POLD3: variants seen among roughly 807,000 people sequenced by gnomAD.
The protein encoded by POLD3 is DNA polymerase delta subunit 3.
Under a neutral mutation model 58.2 loss-of-function variants are expected in POLD3, and 19 were observed. That is an observed-to-expected ratio of 0.33 (90% CI 0.23 to 0.48). The LOEUF (loss-of-function observed/expected upper bound fraction) is 0.48. Among genes scored for constraint, POLD3 ranks in the 20% least tolerant of loss-of-function variants. The pLI is 0.99. For synonymous variants in POLD3, 172 were observed against 193.5 expected (o/e 0.89, Z 0.92); for missense variants, 504 against 545.5 (o/e 0.92, Z 0.76).
chr11:74,619,478 T>G (rs1425051879), intron 6 of POLD3, among the ~76,000 whole-genome samples: 4 of 152,220 alleles, frequency 2.6e-5, no homozygotes, highest in Non-Finnish European at 5.9e-5. Context: ...ACACTAACGT[T>G]TATTGAATTT....
chr11:74,656,744 GTTTTTTTTT>G (rs60280704), intron 4 of POLD3, among the ~76,000 whole-genome samples: 1 of 147,350 alleles, frequency 6.8e-6, no homozygotes, highest in Non-Finnish European at 1.5e-5. Flanking sequence ...ATATTTCAGG[GTTTTTTTTT>G]TTTTTTTAAG....
intron 11 of POLD3, among the ~76,000 whole-genome samples, chr11:74,636,740 CAA>C (rs2032761143): frequency 6.6e-6 from 1 of 151,734 alleles, no homozygotes; most frequent in African/African-American, 2.4e-5. Flanking sequence ...AGACTGTAAT[CAA>C]GAGTCATCTT....
chr11:74,601,297 A>G (rs1398441768), intron 2 of POLD3, among the ~76,000 whole-genome samples: 3 of 152,218 alleles, frequency 2.0e-5, no homozygotes, highest in Non-Finnish European at 4.4e-5. Flanking sequence ...TCCTTCTAAC[A>G]CAATTGTTGT....
chr11:74,657,576 T>G (rs59829124), intron 4 of POLD3, among the ~76,000 whole-genome samples: 2,656 of 152,242 alleles, frequency 0.017, 78 homozygotes, highest in African/African-American at 0.062. Flanking sequence ...CTTGTTAACT[T>G]TTTGTTTTTA....
At position 74,651,049 on chromosome 11, in the gene POLD3, A is replaced by G. The variant is rs907267608; in HGVS notation, c.369+14774A>G. Among the ~76,000 whole-genome samples, 15 of 152,328 alleles carry G rather than the reference A, an allele frequency of 9.8e-5. 1 individual carries two copies. In the South Asian group the frequency reaches 1.0e-3, roughly 11 times the overall value. Reference sequence around the variant, plus strand: ...CTTGGTGGTTATGTGCTTTCTGTCTACAGAGCACCTCTTCATGGCACTTAT... The same window carrying G: ...CTTGGTGGTTATGTGCTTTCTGTCTGCAGAGCACCTCTTCATGGCACTTAT... On this transcript the variant is annotated intron_variant, in intron 4 of 4. Coordinates refer to the POLD3 transcript ENST00000524752.
Position 74,629,265 on chromosome 11 carries a change from C to A in POLD3, c.948C>A (p.Asn316Lys), listed in dbSNP as rs1435149485. The stretch of plus-strand genomic sequence containing the variant: ...ATGATGAGACAAAGGAAACTGAAAA[C>A]ATGAGGAAAAAGAGGAGAAGAATCA... The part of the protein sequence containing the change: ...LSDDETKETE[N>K]MRKKRRRIKL... The change falls in exon 9 of 12, where the codon AAC becomes AAA. Residue 316 changes from asparagine (N) to lysine (K), a missense_variant. Coordinates refer to ENST00000263681, the MANE Select transcript of POLD3 (RefSeq NM_006591.3). The A allele has an allele frequency of 1.2e-6, 2 of 1,608,130 alleles. No homozygotes were observed. The highest frequency in any genetic ancestry group is 8.5e-7 in the Non-Finnish European group (1 of 1,176,778).
chr11:74,595,805 A>C (rs1256642226), intron 2 of POLD3, among the ~76,000 whole-genome samples: 1 of 152,052 alleles, frequency 6.6e-6, no homozygotes, highest in Non-Finnish European at 1.5e-5. Flanking sequence ...TTTTGTAGAG[A>C]TGGAGTCCCG....
At chr11:74,614,608 G>A (rs527395798) in intron 5 of POLD3, among the ~76,000 whole-genome samples, 3 of 152,238 alleles carry the variant, frequency 2.0e-5, no homozygotes, top group Admixed American at 1.3e-4. Context: ...TGCTCAGGAG[G>A]CTGAAGCAGG....
chr11:74,628,903 T>C (rs545110966), intron 8 of POLD3: 59 of 201,986 alleles, frequency 2.9e-4, no homozygotes, highest in Non-Finnish European at 5.7e-4. Flanking sequence ...GCTTATTTAA[T>C]GCTTGTTGGA....
downstream of POLD3, among the ~76,000 whole-genome samples, chr11:74,643,647 G>A (rs1368904016): frequency 6.6e-6 from 1 of 152,180 alleles, no homozygotes; most frequent in East Asian, 1.9e-4. Context: ...GGAGAGGTGG[G>A]CTGTAGAACT....
chr11:74,611,423 A>G (rs2031906704), intron 3 of POLD3, 76 bp from the exon 4 acceptor site: 5 of 846,028 alleles, frequency 5.9e-6, no homozygotes, highest in South Asian at 1.4e-5. Context: ...TCCAAGCACA[A>G]TTGAATTATT....
chr11:74,622,351 A>G (rs1256593459), intron 7 of POLD3, among the ~76,000 whole-genome samples: 2 of 152,072 alleles, frequency 1.3e-5, no homozygotes, highest in South Asian at 4.1e-4. Flanking sequence ...GTAAGACCCC[A>G]TTTCTTAAAA....
At chr11:74,611,808 A>G (rs1213039940) in intron 4 of POLD3, among the ~76,000 whole-genome samples, 1 of 152,244 alleles carries the variant, frequency 6.6e-6, no homozygotes, top group Non-Finnish European at 1.5e-5. Context: ...ACTGTTATGA[A>G]TACCATATGA....
At chr11:74,667,364 T>A (rs1437846903) in intron 4 of POLD3, among the ~76,000 whole-genome samples, 1 of 151,818 alleles carries the variant, frequency 6.6e-6, no homozygotes, top group African/African-American at 2.4e-5. Flanking sequence ...TGAAACCCCG[T>A]CTCTACTAAA....
chr11:74,643,413 T>C (rs144023889), downstream of POLD3, among the ~76,000 whole-genome samples: 9 of 152,148 alleles, frequency 5.9e-5, no homozygotes, highest in Non-Finnish European at 1.3e-4. Flanking sequence ...ATAGAAACCA[T>C]AGAATTTGGC....
intron 8 of POLD3, 54 bp downstream of exon 8, chr11:74,625,627 T>G: frequency 1.4e-6 from 2 of 1,468,052 alleles, no homozygotes; most frequent in Non-Finnish European, 9.3e-7. Context: ...GGTGAGAAGG[T>G]CTCTTTGGGC....
intron 4 of POLD3, among the ~76,000 whole-genome samples, chr11:74,655,935 A>G (rs2033128040): frequency 6.6e-6 from 1 of 152,226 alleles, no homozygotes; most frequent in Non-Finnish European, 1.5e-5. Flanking sequence ...AGAACAAGCA[A>G]GTAATCTACA....
At chr11:74,627,561 C>T (rs1328001660) in intron 8 of POLD3, among the ~76,000 whole-genome samples, 1 of 152,144 alleles carries the variant, frequency 6.6e-6, no homozygotes, top group Non-Finnish European at 1.5e-5. Context: ...CTTCACATTT[C>T]ACTCACCGCT....
intron 4 of POLD3, among the ~76,000 whole-genome samples, chr11:74,667,660 A>G (rs766756190): frequency 2.6e-5 from 4 of 152,248 alleles, no homozygotes; most frequent in Non-Finnish European, 5.9e-5. Flanking sequence ...CTCTTAGAAG[A>G]AAGCAGGGGT....
Sources: gnomAD v4.1 joint callset for allele counts (sites outside exome capture counted in the v4.1 genomes callset) on GRCh38, gnomAD v4.1.1 for gene constraint, MANE v1.5 for transcripts, NCBI Gene and HGNC (gene_info 2026-07-23, HGNC 2026-07-21) for gene names.